ALPL: variants seen among roughly 807,000 people sequenced by gnomAD.
ALPL encodes alkaline phosphatase, tissue-nonspecific isozyme.
ALPL carries 42 observed loss-of-function variants against 51.3 expected under a neutral mutation model. That is an observed-to-expected ratio of 0.82 (90% CI 0.64 to 1.06). The LOEUF is 1.06. ALPL is among the 50% of genes least tolerant of loss of function. The pLI is 0.00. For synonymous variants in ALPL, 279 were observed against 296.4 expected (o/e 0.94, Z 0.60); for missense variants, 589 against 709.4 (o/e 0.83, Z 1.93).
intron 1 of ALPL, among the ~76,000 whole-genome samples, chr1:21,541,334 C>G (rs1257395460): frequency 6.6e-6 from 1 of 152,256 alleles, no homozygotes; most frequent in Non-Finnish European, 1.5e-5. Context: ...GCAGTGGCTT[C>G]TATTAGGTGT....
intron 10 of ALPL, among the ~76,000 whole-genome samples, chr1:21,576,166 G>A (rs1228081921): frequency 8.6e-5 from 13 of 151,950 alleles, no homozygotes; most frequent in East Asian, 1.9e-4. Context: ...ATGGCTGGGC[G>A]AGAACGTGGA....
At chr1:21,525,612 C>A (rs1266566956) in intron 1 of ALPL, among the ~76,000 whole-genome samples, 1 of 152,254 alleles carries the variant, frequency 6.6e-6, no homozygotes, top group African/African-American at 2.4e-5. Flanking sequence ...ATTCAACAAA[C>A]ATCTCATTAG....
intron 1 of ALPL, among the ~76,000 whole-genome samples, chr1:21,541,131 C>T (rs1327297986): frequency 2.6e-5 from 4 of 152,120 alleles, no homozygotes; most frequent in Non-Finnish European, 2.9e-5. Flanking sequence ...ATCGAGTGGG[C>T]GGGGAAGGGT....
At chr1:21,563,490 G>T (rs1644516263) in intron 5 of ALPL, among the ~76,000 whole-genome samples, 1 of 152,178 alleles carries the variant, frequency 6.6e-6, no homozygotes, top group Non-Finnish European at 1.5e-5. Context: ...GTGGGTTCTG[G>T]TCCCAGTTCA....
intron 8 of ALPL, 59 bp from the exon 9 acceptor site, chr1:21,573,606 A>G: frequency 6.2e-7 from 1 of 1,603,164 alleles, no homozygotes; most frequent in Non-Finnish European, 8.5e-7. Context: ...GCTTCCTTGG[A>G]GTCCTCCTAG....
chr1:21,545,744 C>T (rs762287729), intron 1 of ALPL, among the ~76,000 whole-genome samples: 1 of 152,204 alleles, frequency 6.6e-6, no homozygotes, highest in Non-Finnish European at 1.5e-5. Flanking sequence ...GTTCCTACTC[C>T]GGCTCAGGAG....
At chr1:21,532,585 A>C (rs965008902) in intron 1 of ALPL, among the ~76,000 whole-genome samples, 3 of 152,212 alleles carry the variant, frequency 2.0e-5, no homozygotes, top group African/African-American at 4.8e-5. Context: ...AGAATGAGAG[A>C]GTGTAAAAAA....
At chr1:21,546,923 T>C (rs1644260656) in intron 1 of ALPL, among the ~76,000 whole-genome samples, 1 of 152,244 alleles carries the variant, frequency 6.6e-6, no homozygotes, top group Non-Finnish European at 1.5e-5. Context: ...ATAGATGGGC[T>C]GGAACAGCTG....
intron 1 of ALPL, among the ~76,000 whole-genome samples, chr1:21,552,891 T>A (rs1426842869): frequency 6.6e-6 from 1 of 152,194 alleles, no homozygotes. Flanking sequence ...AGCAATAACA[T>A]TTCCCAGTGA....
At chr1:21,550,879 T>A (rs1570244985) in intron 1 of ALPL, among the ~76,000 whole-genome samples, 1 of 152,226 alleles carries the variant, frequency 6.6e-6, no homozygotes, top group Non-Finnish European at 1.5e-5. Context: ...TTCTCCTTGC[T>A]GTCTGTGGTG....
At chr1:21,569,802 G>A (rs1487965887) in intron 7 of ALPL, among the ~76,000 whole-genome samples, 1 of 152,168 alleles carries the variant, frequency 6.6e-6, no homozygotes, top group African/African-American at 2.4e-5. Flanking sequence ...ATTCCCTGGG[G>A]AAACAGCCAC....
At chr1:21,533,057 C>T (rs1406111780) in intron 1 of ALPL, among the ~76,000 whole-genome samples, 1 of 152,208 alleles carries the variant, frequency 6.6e-6, no homozygotes. Context: ...CCCACCAGCC[C>T]TTCCTGGGTC....
intron 1 of ALPL, among the ~76,000 whole-genome samples, chr1:21,520,745 G>T (rs1023728253): frequency 6.6e-6 from 1 of 152,042 alleles, no homozygotes; most frequent in African/African-American, 2.4e-5. Flanking sequence ...CACGGTGCCC[G>T]GCCGAAAGCC....
At chr1:21,562,118 A>AT (rs1644493570) in intron 4 of ALPL, among the ~76,000 whole-genome samples, 1 of 152,184 alleles carries the variant, frequency 6.6e-6, no homozygotes, top group Non-Finnish European at 1.5e-5. Context: ...CAAGTCACAC[A>AT]TTTTTTGGTT....
At position 21,577,493 on chromosome 1, in the gene ALPL, G is replaced by A. The variant is rs376354718; in HGVS notation, c.1420G>A (p.Val474Ile). Residue 474 changes from valine to isoleucine, a missense_variant, in exon 12 of 12, where the codon GTC (valine) becomes ATC (isoleucine). Val to Ile is a conservative substitution (Grantham distance 29, BLOSUM62 3). Transcript: ENST00000374840. ...KGPMAHLLHG[V>I]HEQNYVPHVM... is the part of the protein sequence containing the mutation. ...CCCCATGGCGCACCTGCTGCACGGC[G>A]TCCACGAGCAGAACTACGTCCCCCA... is the stretch of plus-strand genomic sequence containing the variant. 2.4e-5 allele frequency: 38 copies of A among 1,609,214 alleles called. No homozygotes were observed. The highest frequency in any genetic ancestry group is 3.3e-5 in the Admixed American group (2 of 59,994).
At chr1:21,547,847 G>A (rs576953089) in intron 1 of ALPL, among the ~76,000 whole-genome samples, 1 of 152,220 alleles carries the variant, frequency 6.6e-6, no homozygotes, top group Non-Finnish European at 1.5e-5. Flanking sequence ...GTAGTGACAC[G>A]TTTGTCCCAT....
intron 1 of ALPL, among the ~76,000 whole-genome samples, chr1:21,522,954 A>G (rs1303157464): frequency 6.6e-6 from 1 of 152,166 alleles, no homozygotes; most frequent in African/African-American, 2.4e-5. Context: ...TATTATTGTC[A>G]TTGTCCCCAC....
chr1:21,547,204 G>A (rs1415591569), intron 1 of ALPL, among the ~76,000 whole-genome samples: 2 of 152,210 alleles, frequency 1.3e-5, no homozygotes, highest in East Asian at 1.9e-4. Context: ...GCCCTCCCCC[G>A]GGGCTCAAAT....
At chr1:21,530,673 T>C (rs1644015784) in intron 1 of ALPL, among the ~76,000 whole-genome samples, 1 of 151,940 alleles carries the variant, frequency 6.6e-6, no homozygotes, top group African/African-American at 2.4e-5. Flanking sequence ...CAGACTGGGG[T>C]CTGGAAAGGA....
Sources: gnomAD v4.1 joint callset for allele counts (sites outside exome capture counted in the v4.1 genomes callset) on GRCh38, gnomAD v4.1.1 for gene constraint, MANE v1.5 for transcripts, NCBI Gene and HGNC (gene_info 2026-07-23, HGNC 2026-07-21) for gene names.